PACRG: variants seen among roughly 807,000 people sequenced by gnomAD.
PACRG encodes the protein parkin coregulated gene protein.
In PACRG, 29 loss-of-function variants were observed where a neutral mutation model predicts 29.7. That is an observed-to-expected ratio of 0.98 (90% CI 0.73 to 1.33). The LOEUF (loss-of-function observed/expected upper bound fraction) is 1.33, where lower values mean the gene tolerates loss of function less well. Among genes scored for constraint, PACRG ranks in the 40% most tolerant of loss-of-function variants. PACRG has a pLI of 0.00. For synonymous variants in PACRG, 116 were observed against 118.7 expected (o/e 0.98, Z 0.15); for missense variants, 279 against 316.2 (o/e 0.88, Z 0.89).
chr6:162,774,615 C>T (rs1266044470), intron 1 of PACRG, among the ~76,000 whole-genome samples: 3 of 152,166 alleles, frequency 2.0e-5, no homozygotes, highest in Non-Finnish European at 4.4e-5. Flanking sequence ...TACATCTTCT[C>T]TGTTGCCATT....
intron 4 of PACRG, among the ~76,000 whole-genome samples, chr6:163,123,105 T>C (rs1816368117): frequency 6.6e-6 from 1 of 152,178 alleles, no homozygotes; most frequent in Non-Finnish European, 1.5e-5. Flanking sequence ...AAAAACCCCG[T>C]GTGCCCAGGA....
chr6:163,126,117 G>A (rs185710271), intron 4 of PACRG, among the ~76,000 whole-genome samples: 3 of 152,302 alleles, frequency 2.0e-5, no homozygotes, highest in East Asian at 1.9e-4. Flanking sequence ...AAGATTGGAC[G>A]AACAGGCACC....
At chr6:162,797,383 A>T (rs1785470930) in intron 1 of PACRG, among the ~76,000 whole-genome samples, 1 of 152,220 alleles carries the variant, frequency 6.6e-6, no homozygotes. Flanking sequence ...ACCTTTTCTT[A>T]TGAATCTTGC....
chr6:163,157,255 G>A (rs1778364286), intron 4 of PACRG, among the ~76,000 whole-genome samples: 1 of 152,228 alleles, frequency 6.6e-6, no homozygotes, highest in Non-Finnish European at 1.5e-5. Context: ...CTCCGTAGCA[G>A]TGTGACTGCC....
At chr6:162,727,553 C>T (rs1469847310), upstream of PACRG, 34 of 1,228,122 alleles carry the variant, frequency 2.8e-5, no homozygotes, top group South Asian at 6.5e-5. Context: ...ACTTTGGCCC[C>T]GTCATTGACA....
At position 163,057,840 on chromosome 6, in the gene PACRG, G is replaced by A. The variant is rs73025195; in HGVS notation, c.292-4310G>A. The stretch of plus-strand genomic sequence containing the variant: ...GACATTCTTTACTTACCATAGGTCA[G>A]AAACCTTGTAAGAGAACCATTTAGA... On this transcript the variant is annotated intron_variant, in intron 2 of 4. Coordinates refer to ENST00000366888, the MANE Select transcript of PACRG (RefSeq NM_001080379.2). Among the ~76,000 whole-genome samples, 586 of 152,298 alleles carry A rather than the reference G, an allele frequency of 3.8e-3. 6 individuals carry two copies. Among genetic ancestry groups the A allele is most frequent in the South Asian group, 0.034 (162 of 4,822 alleles).
chr6:162,845,802 T>A (rs953841899), intron 2 of PACRG, among the ~76,000 whole-genome samples: 8 of 152,366 alleles, frequency 5.3e-5, no homozygotes, highest in African/African-American at 1.7e-4. Flanking sequence ...AATTGCCAGT[T>A]TGCATCATTC....
intron 2 of PACRG, among the ~76,000 whole-genome samples, chr6:162,992,329 T>C (rs1328815118): frequency 9.0e-6 from 1 of 111,490 alleles, no homozygotes; most frequent in East Asian, 2.7e-4. Context: ...CAGTTCCTCC[T>C]TGTACCTCTG....
At chr6:163,173,196 T>C (rs1353292284) in intron 4 of PACRG, among the ~76,000 whole-genome samples, 1 of 152,230 alleles carries the variant, frequency 6.6e-6, no homozygotes, top group Non-Finnish European at 1.5e-5. Context: ...TTTATCCCTC[T>C]CTGTTTGCCA....
intron 2 of PACRG, among the ~76,000 whole-genome samples, chr6:162,827,807 T>C (rs1173114643): frequency 6.6e-6 from 1 of 151,990 alleles, no homozygotes; most frequent in African/African-American, 2.4e-5. Context: ...GCTCAGCCTC[T>C]AACTGCTCAT....
chr6:162,826,030 A>G lies in PACRG; in HGVS notation c.291+11749A>G, dbSNP rs138154844. The stretch of plus-strand genomic sequence containing the variant: ...TTAATTCTGTAAAATTGTTTTCTCA[A>G]TTAACTGAATATCTTCGCTTACATG... On this transcript the variant is annotated intron_variant, in intron 2 of 4. Transcript: ENST00000366888. 1.3e-3 allele frequency among the ~76,000 whole-genome samples: 198 copies of G among 152,114 alleles called. 3 individuals are homozygous for G. Among genetic ancestry groups the G allele is most frequent in the African/African-American group, 4.5e-3 (187 of 41,486 alleles).
intron 2 of PACRG, among the ~76,000 whole-genome samples, chr6:162,856,864 A>G (rs2128435388): frequency 6.6e-6 from 1 of 152,126 alleles, no homozygotes; most frequent in Non-Finnish European, 1.5e-5. Context: ...TGTTTTTCCC[A>G]TTTTTGGCTG....
chr6:162,964,030 T>TTA (rs140998776), intron 2 of PACRG, among the ~76,000 whole-genome samples: 2,637 of 152,316 alleles, frequency 0.017, 30 homozygotes, highest in Non-Finnish European at 0.028. Flanking sequence ...TAAATACTTA[T>TTA]TTAATGAATT....
intron 4 of PACRG, among the ~76,000 whole-genome samples, chr6:163,120,576 T>G (rs1816221822): frequency 2.0e-5 from 3 of 152,326 alleles, no homozygotes; most frequent in African/African-American, 7.2e-5. Context: ...CAGAGGTAGA[T>G]ATTCACTTAT....
At chr6:162,738,217 T>C (rs1462811493) in intron 1 of PACRG, among the ~76,000 whole-genome samples, 1 of 152,208 alleles carries the variant, frequency 6.6e-6, no homozygotes, top group Non-Finnish European at 1.5e-5. Flanking sequence ...ATCCTATAGA[T>C]AGATGGATAC....
At chr6:163,261,215 A>G (rs915288147) in intron 4 of PACRG, among the ~76,000 whole-genome samples, 7 of 151,836 alleles carry the variant, frequency 4.6e-5, no homozygotes, top group African/African-American at 1.7e-4. Flanking sequence ...GCCTGTCATC[A>G]TGCCAGGCAG....
At chr6:162,980,885 C>T (rs907721949) in intron 2 of PACRG, among the ~76,000 whole-genome samples, 2 of 151,748 alleles carry the variant, frequency 1.3e-5, no homozygotes, top group East Asian at 1.9e-4. Flanking sequence ...GGAGCCATTA[C>T]TTTCTTTTTT....
At chr6:163,193,504 G>A (rs1349349173) in intron 4 of PACRG, among the ~76,000 whole-genome samples, 2 of 152,066 alleles carry the variant, frequency 1.3e-5, no homozygotes, top group Admixed American at 6.6e-5. Flanking sequence ...GGGGCTGCCC[G>A]GCCAGAAATA....
chr6:162,990,210 TG>T (rs1289990428), intron 2 of PACRG, among the ~76,000 whole-genome samples: 2 of 151,262 alleles, frequency 1.3e-5, no homozygotes, highest in Non-Finnish European at 3.0e-5. Flanking sequence ...CGTGTGCATG[TG>T]TCTTTATAGC....
Sources: gnomAD v4.1 joint callset for allele counts (sites outside exome capture counted in the v4.1 genomes callset) on GRCh38, gnomAD v4.1.1 for gene constraint, MANE v1.5 for transcripts, NCBI Gene and HGNC (gene_info 2026-07-23, HGNC 2026-07-21) for gene names.